MYLIP: variants seen among roughly 807,000 people sequenced by gnomAD.
MYLIP encodes the protein E3 ubiquitin-protein ligase MYLIP.
In MYLIP, 26 loss-of-function variants were observed where a neutral mutation model predicts 45.8. That is an observed-to-expected ratio of 0.57 (90% CI 0.42 to 0.79). The LOEUF is 0.79. MYLIP is among the 30% of genes least tolerant of loss of function. MYLIP has a pLI of 0.00. For synonymous variants in MYLIP, 213 were observed against 218.1 expected (o/e 0.98, Z 0.21); for missense variants, 494 against 555.6 (o/e 0.89, Z 1.11).
At chr6:16,145,344 C>T in intron 6 of MYLIP, 27 bp downstream of exon 6, 1 of 1,551,178 alleles carries the variant, frequency 6.4e-7, no homozygotes, top group Non-Finnish European at 8.7e-7. Context: ...CCCACTTTTG[C>T]CTGCAGCCTC....
At chr6:16,154,548 C>T in the MYLIP span, among the ~76,000 whole-genome samples, 1 of 152,178 alleles carries the variant, frequency 6.6e-6, no homozygotes, top group Non-Finnish European at 1.5e-5. Context: ...AGTGTTCCCC[C>T]CAACCCACCC....
chr6:16,152,886 G>C (rs999452753), downstream of MYLIP, among the ~76,000 whole-genome samples: 1 of 152,144 alleles, frequency 6.6e-6, no homozygotes, highest in Non-Finnish European at 1.5e-5. Flanking sequence ...TGGGCAGTTT[G>C]GCATGACTGA....
Position 16,129,683 on chromosome 6 carries a change from TC to T in MYLIP, c.87+280del, listed in dbSNP as rs564842739. Among the ~76,000 whole-genome samples, 59 of 151,888 alleles carry T rather than the reference TC, an allele frequency of 3.9e-4. No individual in the cohort carries two copies. The highest frequency in any genetic ancestry group is 1.4e-3 in the African/African-American group (59 of 41,432). On this transcript the variant is annotated intron_variant, in intron 1 of 6. Transcript: ENST00000356840. This position sits in a 1 kb window ranked among gnomAD's most constrained non-coding sequence, Gnocchi z 5.1. ...GGATCCACCCCCCAGCGCCCCATCA[TC>T]CCCCCAACCCAGCACTTTCCCGGAA...
downstream of MYLIP, among the ~76,000 whole-genome samples, chr6:16,150,252 T>A (rs1176442998): frequency 6.6e-6 from 1 of 152,168 alleles, no homozygotes; most frequent in African/African-American, 2.4e-5. Context: ...AAAGAGGCGG[T>A]CAGCTGTGTT....
At chr6:16,136,595 AAG>A (rs1369289918) in intron 2 of MYLIP, among the ~76,000 whole-genome samples, 1 of 152,170 alleles carries the variant, frequency 6.6e-6, no homozygotes, top group Non-Finnish European at 1.5e-5. Context: ...ATAAATACCT[AAG>A]AGTGGAATAG....
At chr6:16,142,820 A>G (rs1395814696) in intron 3 of MYLIP, among the ~76,000 whole-genome samples, 200 bp from the exon 4 acceptor site, 2 of 152,230 alleles carry the variant, frequency 1.3e-5, no homozygotes, top group Non-Finnish European at 2.9e-5. Context: ...GTTTTTACCA[A>G]GTATTTAATA....
chr6:16,148,667 A>C (rs1759842682), downstream of MYLIP, among the ~76,000 whole-genome samples: 1 of 151,910 alleles, frequency 6.6e-6, no homozygotes, highest in African/African-American at 2.4e-5. Context: ...AACAATTAAC[A>C]ACCCAGCTGG....
At chr6:16,149,428 T>A (rs1307844823), downstream of MYLIP, among the ~76,000 whole-genome samples, 2 of 152,176 alleles carry the variant, frequency 1.3e-5, no homozygotes, top group African/African-American at 4.8e-5. Context: ...AGGATAAAGG[T>A]GCTTCATAAA....
chr6:16,151,374 A>G (rs1759879171), downstream of MYLIP, among the ~76,000 whole-genome samples: 1 of 150,242 alleles, frequency 6.7e-6, no homozygotes, highest in African/African-American at 2.5e-5. Flanking sequence ...AAAAGAAAAA[A>G]GAAAAAGAAA....
At chr6:16,144,398 A>G (rs555584161) in intron 5 of MYLIP, among the ~76,000 whole-genome samples, 1 of 152,312 alleles carries the variant, frequency 6.6e-6, no homozygotes, top group East Asian at 1.9e-4. Flanking sequence ...GGATTTTTTA[A>G]TAGCAATATT....
intron 2 of MYLIP, among the ~76,000 whole-genome samples, chr6:16,140,080 G>A (rs146875553): frequency 1.3e-5 from 2 of 152,144 alleles, no homozygotes; most frequent in Non-Finnish European, 2.9e-5. Flanking sequence ...CCTCTACCTG[G>A]AATGTCAGAC....
chr6:16,144,502 C>CT (rs1759743063), intron 5 of MYLIP, among the ~76,000 whole-genome samples: 1 of 152,190 alleles, frequency 6.6e-6, no homozygotes, highest in South Asian at 2.1e-4. Context: ...TCGTAGACAA[C>CT]TTTAAACTTT....
rs1052143192 is a variant in MYLIP at position 16,135,761 on chromosome 6, A to C, written c.278+5014A>C. Among the ~76,000 whole-genome samples the C allele has an allele frequency of 2.8e-3, 306 of 110,632 alleles. 6 individuals are homozygous for C. Among genetic ancestry groups the C allele is most frequent in the Non-Finnish European group, 3.5e-3 (181 of 51,210 alleles). The allele number at this position is 110,632 out of a possible 152,430, so 72.6% of individuals were successfully genotyped here. A position where few individuals can be genotyped will look rare whatever the true frequency, so the allele number is the denominator to read the frequency against. On this transcript the variant is annotated intron_variant, in intron 2 of 6. Transcript: ENST00000356840. ...TGTGTGTGTATACATATATCTATAT[A>C]TATATATATATATATATGTATGCTA...
chr6:16,129,886 T>C lies in MYLIP; in HGVS notation c.87+477T>C, dbSNP rs542662871. Among the ~76,000 whole-genome samples, 58 of 152,340 alleles carry C rather than the reference T, an allele frequency of 3.8e-4. No homozygotes were observed. Among genetic ancestry groups the C allele is most frequent in the African/African-American group, 1.3e-3 (54 of 41,588 alleles). On this transcript the variant is annotated intron_variant, in intron 1 of 6. Transcript: ENST00000356840. This position sits in a 1 kb window ranked among gnomAD's most constrained non-coding sequence, Gnocchi z 5.1. ...CCTTGTCTCACGCTGCTTCTCAGGC[T>C]GCTGCTCTCAAATGCACCGTTCACC...
At chr6:16,159,747 G>T in the MYLIP span, among the ~76,000 whole-genome samples, 1 of 152,194 alleles carries the variant, frequency 6.6e-6, no homozygotes, top group Non-Finnish European at 1.5e-5. Context: ...GTGGACAGAA[G>T]ACCTGAATAC....
chr6:16,151,356 C>CAA (rs35224127), downstream of MYLIP, among the ~76,000 whole-genome samples: 24 of 137,848 alleles, frequency 1.7e-4, no homozygotes, highest in Non-Finnish European at 2.5e-4. Flanking sequence ...GACTCCATCT[C>CAA]AAAAAAAAAA....
the MYLIP span, among the ~76,000 whole-genome samples, chr6:16,160,157 C>G: frequency 6.6e-6 from 1 of 152,202 alleles, no homozygotes; most frequent in Non-Finnish European, 1.5e-5. Context: ...CTCTTCCATC[C>G]TGTACATTTC....
intron 3 of MYLIP, among the ~76,000 whole-genome samples, chr6:16,142,775 C>CT: frequency 6.6e-6 from 1 of 152,206 alleles, no homozygotes; most frequent in Non-Finnish European, 1.5e-5. Context: ...TTCCATAATT[C>CT]TTCCAATTCA....
intron 2 of MYLIP, among the ~76,000 whole-genome samples, chr6:16,140,481 C>T (rs375497721): frequency 1.4e-3 from 211 of 152,250 alleles, no homozygotes; most frequent in African/African-American, 4.6e-3. Context: ...TTTTGGAGCT[C>T]TCTGATGTTC....
Sources: allele counts gnomAD v4.1 joint callset (sites outside exome capture counted in the v4.1 genomes callset), GRCh38; gene constraint gnomAD v4.1.1; non-coding constraint Gnocchi (gnomAD v3.1); transcripts MANE v1.5; gene names NCBI Gene and HGNC (gene_info 2026-07-23, HGNC 2026-07-21).